LRFN5: variants seen among roughly 807,000 people sequenced by gnomAD.
LRFN5 encodes leucine-rich repeat and fibronectin type-III domain-containing protein 5.
Under a neutral mutation model 45.6 loss-of-function variants are expected in LRFN5, and 24 were observed. The ratio of observed to expected loss-of-function variants is 0.53; its 90% CI spans 0.38 to 0.74. The LOEUF is 0.74. LRFN5 is among the 30% of genes least tolerant of loss of function. LRFN5 has a pLI of 0.00. For synonymous variants in LRFN5, 340 were observed against 313.8 expected (o/e 1.08, Z -0.88); for missense variants, 776 against 861.5 (o/e 0.90, Z 1.24).
intron 2 of LRFN5, among the ~76,000 whole-genome samples, chr14:41,804,931 G>T (rs931293598): frequency 3.3e-5 from 5 of 151,826 alleles, no homozygotes; most frequent in African/African-American, 1.2e-4. Flanking sequence ...TGAAATGTCA[G>T]CTCATTAATT....
chr14:41,667,091 C>T (rs1477663270), intron 1 of LRFN5, among the ~76,000 whole-genome samples: 1 of 151,980 alleles, frequency 6.6e-6, no homozygotes, highest in Non-Finnish European at 1.5e-5. Context: ...TTTAAGAATT[C>T]GTAATAGTTC....
At chr14:41,676,436 C>T (rs59432376) in intron 1 of LRFN5, among the ~76,000 whole-genome samples, 3,579 of 152,272 alleles carry the variant, frequency 0.024, 129 homozygotes, top group African/African-American at 0.082. Context: ...AACTCCTTAC[C>T]TAAGAGTGTG....
chr14:41,763,899 G>T (rs1194822173), intron 1 of LRFN5, among the ~76,000 whole-genome samples: 1 of 151,942 alleles, frequency 6.6e-6, no homozygotes, highest in African/African-American at 2.4e-5. Flanking sequence ...TATATTTCTT[G>T]GAAATATATG....
intron 1 of LRFN5, among the ~76,000 whole-genome samples, chr14:41,669,390 A>C (rs1881057485): frequency 6.6e-6 from 1 of 152,084 alleles, no homozygotes; most frequent in African/African-American, 2.4e-5. Context: ...TCAAAAACAA[A>C]ACAAAGTTTA....
At chr14:41,748,430 G>A (rs1045003359) in intron 1 of LRFN5, among the ~76,000 whole-genome samples, 2 of 152,028 alleles carry the variant, frequency 1.3e-5, no homozygotes, top group Admixed American at 6.6e-5. Flanking sequence ...GAATATTATA[G>A]GACTCCACTT....
At chr14:41,786,991 A>G (rs977882054) in intron 2 of LRFN5, among the ~76,000 whole-genome samples, 3 of 151,928 alleles carry the variant, frequency 2.0e-5, no homozygotes, top group African/African-American at 7.2e-5. Flanking sequence ...GATGTGTTTT[A>G]TATATATTTA....
chr14:41,773,544 C>CCT (rs1005969963), intron 2 of LRFN5, among the ~76,000 whole-genome samples: 43 of 151,268 alleles, frequency 2.8e-4, no homozygotes, highest in Non-Finnish European at 2.5e-4. Context: ...AGAGCATTTT[C>CCT]CTCTCTCTCT....
intron 1 of LRFN5, among the ~76,000 whole-genome samples, chr14:41,688,921 A>C (rs1882241793): frequency 1.3e-5 from 2 of 151,216 alleles, no homozygotes; most frequent in South Asian, 4.2e-4. Context: ...AAAAAAAAAA[A>C]AAAAAAAGGA....
At chr14:41,759,891 G>C (rs545883433) in intron 1 of LRFN5, among the ~76,000 whole-genome samples, 17 of 152,284 alleles carry the variant, frequency 1.1e-4, no homozygotes, top group African/African-American at 3.8e-4. Flanking sequence ...CTGTTCACAC[G>C]TAAGTCCGCC....
chr14:41,627,398 T>C (rs555862402), intron 1 of LRFN5, among the ~76,000 whole-genome samples: 1 of 152,238 alleles, frequency 6.6e-6, no homozygotes, highest in East Asian at 1.9e-4. Context: ...AAAAAATTCA[T>C]TTCCCCAAGG....
intron 2 of LRFN5, among the ~76,000 whole-genome samples, chr14:41,830,765 C>T (rs544918071): frequency 6.6e-6 from 1 of 152,202 alleles, no homozygotes; most frequent in South Asian, 2.1e-4. Context: ...TGAAAGGCTG[C>T]TCCTGCTCTG....
At chr14:41,854,298 C>T (rs1889376087) in intron 2 of LRFN5, among the ~76,000 whole-genome samples, 1 of 149,070 alleles carries the variant, frequency 6.7e-6, no homozygotes, top group South Asian at 2.1e-4. Context: ...GACATGAACT[C>T]ATCCTTTTTT....
intron 2 of LRFN5, among the ~76,000 whole-genome samples, chr14:41,855,716 C>T (rs1889429494): frequency 6.6e-6 from 1 of 152,112 alleles, no homozygotes; most frequent in Non-Finnish European, 1.5e-5. Flanking sequence ...AAATGTTTAA[C>T]GAGTCCCACT....
At chr14:41,810,435 C>G (rs1028423286) in intron 2 of LRFN5, among the ~76,000 whole-genome samples, 2 of 151,972 alleles carry the variant, frequency 1.3e-5, no homozygotes, top group African/African-American at 4.8e-5. Context: ...AAAAGCCTTG[C>G]TAGTAATTTT....
chr14:41,750,266 C>CA (rs1885073601), intron 1 of LRFN5, among the ~76,000 whole-genome samples: 23 of 64,810 alleles, frequency 3.5e-4, no homozygotes, highest in African/African-American at 1.2e-3. Context: ...AGTAACTTTT[C>CA]TTATATATAT....
intron 1 of LRFN5, among the ~76,000 whole-genome samples, chr14:41,626,051 G>A (rs564276742): frequency 6.6e-6 from 1 of 152,202 alleles, no homozygotes; most frequent in East Asian, 1.9e-4. Flanking sequence ...GCAAAAAGTA[G>A]ATGGGAGTAC....
At chr14:41,738,868 A>C (rs1272891616) in intron 1 of LRFN5, among the ~76,000 whole-genome samples, 1 of 152,188 alleles carries the variant, frequency 6.6e-6, no homozygotes, top group East Asian at 1.9e-4. Flanking sequence ...TTACCCAGGC[A>C]AGGGAAATTT....
At chr14:41,856,675 A>ATTATTTTTTTTTTTTT in intron 2 of LRFN5, among the ~76,000 whole-genome samples, 697 of 18,330 alleles carry the variant, frequency 0.038, 131 homozygotes, top group Non-Finnish European at 0.063. Context: ...TATTATTATT[A>ATTATTTTTTTTTTTTT]TTTTTTTTTT....
At chr14:41,879,108 A>T (rs1051628211) in intron 2 of LRFN5, among the ~76,000 whole-genome samples, 22 of 152,056 alleles carry the variant, frequency 1.4e-4, no homozygotes, top group Non-Finnish European at 1.5e-5. Context: ...ACTTACTCTT[A>T]CTTTCTAAAT....
Sources: gnomAD v4.1 joint callset for allele counts (sites outside exome capture counted in the v4.1 genomes callset) on GRCh38, gnomAD v4.1.1 for gene constraint, MANE v1.5 for transcripts, NCBI Gene and HGNC (gene_info 2026-07-23, HGNC 2026-07-21) for gene names.